The following CUBN variants were observed in gnomAD, a reference collection of about 807,000 sequenced individuals.
CUBN encodes the protein 460 kDa receptor.
A neutral mutation model predicts 405.3 loss-of-function variants in CUBN; 282 were observed. That is an observed-to-expected ratio of 0.70 (90% CI 0.63 to 0.77). The LOEUF (loss-of-function observed/expected upper bound fraction) is 0.77. CUBN is among the 30% of genes least tolerant of loss of function. The pLI is 0.00. For missense variants in CUBN, 4,514 were observed against 4,475.2 expected (o/e 1.01, Z -0.25); for synonymous variants, 1,684 against 1,617.0 (o/e 1.04, Z -0.99).
chr10:16,951,383 C>A (rs1333889478), intron 33 of CUBN, among the ~76,000 whole-genome samples: 1 of 152,246 alleles, frequency 6.6e-6, no homozygotes, highest in Non-Finnish European at 1.5e-5. Context: ...CTTCATTTTG[C>A]AGATTACTTT....
At chr10:17,127,289 A>T (rs1837221154) in intron 3 of CUBN, among the ~76,000 whole-genome samples, 1 of 112,432 alleles carries the variant, frequency 8.9e-6, no homozygotes. Context: ...TTTTTCTGGC[A>T]AGGTCCCACT....
rs542234034 is a variant in CUBN, at chr10:16,882,954, C to A, written c.8905+5463G>T. ...GCTTGAACCTGGGAAGCGGAGGTTGCAGTGAGCTGAGATCGCACCACTGTA... is the reference window on the plus strand; with the variant it reads ...GCTTGAACCTGGGAAGCGGAGGTTGAAGTGAGCTGAGATCGCACCACTGTA... On this transcript the variant is annotated intron_variant, in intron 56 of 66. Transcript: ENST00000377833. 8.6e-5 allele frequency among the ~76,000 whole-genome samples: 13 copies of A among 151,614 alleles called. No individual in the cohort carries two copies. The South Asian group carries it at 2.3e-3, about 27-fold the overall frequency.
At chr10:16,936,577 C>T (rs1842509781) in intron 39 of CUBN, among the ~76,000 whole-genome samples, 1 of 152,164 alleles carries the variant, frequency 6.6e-6, no homozygotes, top group Non-Finnish European at 1.5e-5. Context: ...TTCGAATATT[C>T]TTCAATGAGA....
chr10:16,850,807 T>C (rs1839664277), intron 60 of CUBN, among the ~76,000 whole-genome samples: 1 of 152,244 alleles, frequency 6.6e-6, no homozygotes, highest in Non-Finnish European at 1.5e-5. Flanking sequence ...AGAACCATTT[T>C]AATATCTAAA....
At chr10:16,857,185 G>A (rs1000139621) in intron 59 of CUBN, among the ~76,000 whole-genome samples, 2 of 152,148 alleles carry the variant, frequency 1.3e-5, no homozygotes. Context: ...AGTAGTTTTT[G>A]TAATGAGGTT....
chr10:16,907,488 T>C lies in CUBN; in HGVS notation c.7705+20A>G. On this transcript the variant is annotated intron_variant, in intron 49 of 66. Coordinates refer to ENST00000377833, the MANE Select transcript of CUBN (RefSeq NM_001081.4). ...GTGCCCCTGATTAAAATGGGGGGCA[T>C]TTACAACATCCTACATTACCTGCAT... The C allele has an allele frequency of 1.2e-6, 2 of 1,613,876 alleles. No homozygotes were observed. Among genetic ancestry groups the C allele is most frequent in the South Asian group, 1.1e-5 (1 of 91,074 alleles).
intron 6 of CUBN, among the ~76,000 whole-genome samples, chr10:17,119,644 TCAAAAACAAACAAA>T (rs1013237579): frequency 5.3e-5 from 8 of 152,074 alleles, no homozygotes; most frequent in African/African-American, 9.7e-5. Flanking sequence ...AGACTCTGTC[TCAAAAACAAACAAA>T]CAAAAACAAA....
intron 25 of CUBN, among the ~76,000 whole-genome samples, chr10:17,044,351 T>C (rs1173675526): frequency 3.3e-5 from 5 of 149,556 alleles, no homozygotes; most frequent in Non-Finnish European, 7.4e-5. Context: ...CACAAAAGAA[T>C]AGCCATGAAA....
At position 16,825,070 on chromosome 10, in the gene CUBN, C is replaced by G; in HGVS notation, c.10777G>C (p.Ala3593Pro). The G allele has an allele frequency of 1.2e-6, 2 of 1,612,294 alleles. No homozygotes were observed. The highest frequency in any genetic ancestry group is 1.7e-6 in the Non-Finnish European group (2 of 1,178,696). Residue 3593 changes from alanine to proline, a missense_variant, in exon 67 of 67, where the codon GCT (alanine) becomes CCT (proline). Transcript: ENST00000377833. ...GPYCGGDTSI[A>P]PFVASSNQVF... ...TGATTTGAGGAAGCCACGAAGGGAG[C>G]TATGCTGGTGTCCTAAAATTGAAAA...
chr10:17,004,671 GCT>G (rs1833969407), intron 28 of CUBN, among the ~76,000 whole-genome samples: 1 of 98,504 alleles, frequency 1.0e-5, no homozygotes, highest in South Asian at 3.5e-4. Context: ...CTTCTAAATA[GCT>G]CTTTTTTTTT....
chr10:16,840,008 T>C (rs994401296), intron 62 of CUBN, among the ~76,000 whole-genome samples: 16 of 144,214 alleles, frequency 1.1e-4, no homozygotes, highest in South Asian at 6.6e-4. Context: ...TAGGTGGGAA[T>C]TGAACAATCG....
chr10:17,051,086 G>T (rs535857647), intron 22 of CUBN, among the ~76,000 whole-genome samples: 8 of 152,076 alleles, frequency 5.3e-5, no homozygotes, highest in Middle Eastern at 3.4e-3. Flanking sequence ...TATGGGCCAG[G>T]TGCAGTGGCT....
At chr10:16,864,863 T>C (rs1840126068) in intron 59 of CUBN, among the ~76,000 whole-genome samples, 1 of 148,660 alleles carries the variant, frequency 6.7e-6, no homozygotes, top group Admixed American at 6.7e-5. Context: ...TTGGTCAAGC[T>C]GGCCTCGAAC....
intron 31 of CUBN, among the ~76,000 whole-genome samples, chr10:16,955,642 A>G (rs2131636473): frequency 6.6e-6 from 1 of 152,302 alleles, no homozygotes; most frequent in South Asian, 2.1e-4. Flanking sequence ...CTTTGCTTGG[A>G]TGATTAATAA....
chr10:16,994,694 A>G (rs1336053805), intron 28 of CUBN, among the ~76,000 whole-genome samples: 1 of 152,254 alleles, frequency 6.6e-6, no homozygotes, highest in Non-Finnish European at 1.5e-5. Flanking sequence ...TAAAATGTAA[A>G]AGAAATACAG....
At position 17,100,066 on chromosome 10, in the gene CUBN, G is replaced by C. The variant is rs752698463; in HGVS notation, c.1704C>G (p.Leu568=). ...TCCCATTTCTTAAATGTTCAGAATA[G>C]AGATGAAAATAGAGAGCATTGTCAC... The part of the protein sequence containing the change: ...LSSDNALYFH[L]YSEHLRNGRG... The change falls in exon 14 of 67, where the codon CTC becomes CTG. Residue 568 remains leucine, a synonymous_variant. Transcript: ENST00000377833. The C allele has an allele frequency of 9.3e-6, 15 of 1,613,910 alleles. 1 individual carries two copies. The South Asian group carries it at 1.5e-4, about 17-fold the overall frequency.
Position 16,990,411 on chromosome 10 carries a change from G to A in CUBN, c.4273C>T (p.Pro1425Ser). Residue 1425 changes from proline to serine, a missense_variant, in exon 29 of 67, where the codon CCC (proline) becomes TCC (serine). By Grantham distance (74) the Pro-to-Ser change is moderately conservative (BLOSUM62 -1). Around this residue, in one of 5 missense-constraint regions of CUBN, gnomAD observed 1,613 missense variants for 1,542.8 expected, o/e 1.05. Transcript: ENST00000377833. The part of the protein sequence containing the change: ...KECIWYIRTD[P>S]GSSIQLTIHD... Reference sequence around the variant, plus strand: ...ATGGTGAGCTGAATGCTACTCCCGGGGTCCGTCCTAATGTACCAGATACAC... The same window carrying A: ...ATGGTGAGCTGAATGCTACTCCCGGAGTCCGTCCTAATGTACCAGATACAC... 1 of 1,614,076 alleles carries A rather than the reference G, an allele frequency of 6.2e-7. No individual in the cohort carries two copies. The highest frequency in any genetic ancestry group is 8.5e-7 in the Non-Finnish European group (1 of 1,180,004).
Position 16,899,028 on chromosome 10 carries a change from C to T in CUBN, c.8566G>A (p.Gly2856Ser), listed in dbSNP as rs371139445. The T allele has an allele frequency of 2.0e-5, 33 of 1,613,438 alleles. No homozygotes were observed. The highest frequency in any genetic ancestry group is 6.7e-5 in the African/African-American group (5 of 75,014). The change falls in exon 54 of 67, where the codon GGT (glycine) becomes AGT (serine). Residue 2856 changes from glycine (G) to serine (S), a missense_variant. Gly to Ser is a moderately conservative substitution (Grantham distance 56). Coordinates refer to ENST00000377833, the MANE Select transcript of CUBN (RefSeq NM_001081.4). Reference protein sequence around the residue: ...SFDNNFLIPSGDGQCQNSFVK... With the variant: ...SFDNNFLIPSSDGQCQNSFVK... ...AAGCTATTCTGACATTGTCCATCAC[C>T]GCTGGGGATTAGGAAGTTGTTGTCA... is the stretch of plus-strand genomic sequence containing the variant.
At chr10:16,836,166 G>T in intron 63 of CUBN, 69 bp downstream of exon 63, 1 of 1,386,108 alleles carries the variant, frequency 7.2e-7, no homozygotes, top group Non-Finnish European at 1.0e-6. Context: ...AGAAATAATT[G>T]TAATTATTCT....
Sources: gnomAD v4.1 joint callset for allele counts (sites outside exome capture counted in the v4.1 genomes callset) on GRCh38, gnomAD v4.1.1 for gene constraint, gnomAD v4.1.1 regional missense constraint, MANE v1.5 for transcripts, NCBI Gene and HGNC (gene_info 2026-07-23, HGNC 2026-07-21) for gene names.